Variants in TBX1 observed in about 807,000 individuals in gnomAD.
TBX1 encodes the protein T-box transcription factor 1.
Under a neutral mutation model 40.8 loss-of-function variants are expected in TBX1, and 16 were observed. That is an observed-to-expected ratio of 0.39 (90% CI 0.27 to 0.60). TBX1 has a LOEUF of 0.60. Among genes scored for constraint, TBX1 ranks in the 20% least tolerant of loss-of-function variants. The probability of loss-of-function intolerance (pLI) is 0.51; values close to 1 mark genes in which losing one functional copy is unlikely to be tolerated. For missense variants in TBX1, 755 were observed against 728.5 expected, an observed-to-expected ratio of 1.04 and a Z score of -0.42; for synonymous variants, 403 against 336.8, an observed-to-expected ratio of 1.20 and a Z score of -2.15.
upstream of TBX1, among the ~76,000 whole-genome samples, chr22:19,758,779 C>T (rs778644536): frequency 6.6e-6 from 1 of 152,176 alleles, no homozygotes; most frequent in Non-Finnish European, 1.5e-5. Flanking sequence ...CGCGCAAGTG[C>T]GCGTGACGCT....
upstream of TBX1, among the ~76,000 whole-genome samples, chr22:19,760,510 A>G (rs944219297): frequency 6.9e-6 from 1 of 145,478 alleles, no homozygotes; most frequent in African/African-American, 2.5e-5. Context: ...GGCGGGCGGC[A>G]GAGCGAGGGC....
At chr22:19,769,481 G>A (rs1936951959), downstream of TBX1, among the ~76,000 whole-genome samples, 1 of 152,228 alleles carries the variant, frequency 6.6e-6, no homozygotes, top group Non-Finnish European at 1.5e-5. Flanking sequence ...GAGCTCGCAG[G>A]CCGGCGTCTG....
In TBX1 at chr22:19,764,184, T is replaced by C; in HGVS notation, c.569T>C (p.Val190Ala). ...GCCTTCCACAGCTCCTCCTGGCTGG[T>C]GGCGGGGAAGGCCGACCCTGCCACG... ...RYAFHSSSWL[V>A]AGKADPATPG... The change falls in exon 3 of 7, where the codon GTG (valine) becomes GCG (alanine). Residue 190 changes from valine to alanine, a missense_variant. Val to Ala is a moderately conservative substitution (Grantham distance 64). Coordinates refer to ENST00000649276, the MANE Select transcript of TBX1 (RefSeq NM_001379200.1). 1 of 1,612,698 alleles carries C rather than the reference T, an allele frequency of 6.2e-7. No homozygotes were observed. The highest frequency in any genetic ancestry group is 8.5e-7 in the Non-Finnish European group (1 of 1,179,860).
upstream of TBX1, among the ~76,000 whole-genome samples, chr22:19,759,314 C>T (rs890293547): frequency 6.6e-6 from 1 of 152,220 alleles, no homozygotes; most frequent in African/African-American, 2.4e-5. Context: ...CTGGGCCCCT[C>T]GGCTGCTACC....
At chr22:19,782,852 C>A, downstream of TBX1, 1 of 1,613,784 alleles carries the variant, frequency 6.2e-7, no homozygotes, top group South Asian at 1.1e-5. Context: ...ATAAAGGCCA[C>A]AAACACTTTG....
In TBX1 at chr22:19,764,454, C is replaced by G. The variant is rs538156968; in HGVS notation, c.711+128C>G. The G allele has an allele frequency of 4.5e-5, 55 of 1,215,158 alleles. No individual in the cohort carries two copies. The East Asian group carries it at 1.0e-3, about 22-fold the overall frequency. 75.3% of individuals were successfully genotyped at this position (1,215,158 alleles called of 1,614,324 possible). A position where few individuals can be genotyped will look rare whatever the true frequency, so the allele number is the denominator to read the frequency against. On this transcript the variant is annotated intron_variant, in intron 3 of 6. Coordinates refer to ENST00000649276, the MANE Select transcript of TBX1 (RefSeq NM_001379200.1). ...TCCCCAGGCGGCTCTGGGCTGTCCCCGAGGAGGCCCTTTAGAGTCCCTGCG... is the reference window on the plus strand; with the variant it reads ...TCCCCAGGCGGCTCTGGGCTGTCCCGGAGGAGGCCCTTTAGAGTCCCTGCG...
At chr22:19,770,158 G>A (rs905792888), downstream of TBX1, among the ~76,000 whole-genome samples, 3 of 152,176 alleles carry the variant, frequency 2.0e-5, no homozygotes, top group African/African-American at 7.2e-5. Flanking sequence ...CCTGGCTGCA[G>A]ACGTCCAGCT....
intron 1 of TBX1, among the ~76,000 whole-genome samples, 178 bp downstream of exon 1, chr22:19,761,458 C>G (rs1936659491): frequency 6.6e-6 from 1 of 151,646 alleles, no homozygotes; most frequent in Non-Finnish European, 1.5e-5. Context: ...GCTCCGGCGA[C>G]AGCCGCCCGG....
At chr22:19,761,419 C>A (rs1278971469) in intron 1 of TBX1, 139 bp downstream of exon 1, 3 of 1,214,740 alleles carry the variant, frequency 2.5e-6, no homozygotes, top group Non-Finnish European at 3.1e-6. Context: ...CTCTGGGCCC[C>A]GCTGCCTCCT....
chr22:19,780,639 G>A (rs1399537925), downstream of TBX1, among the ~76,000 whole-genome samples: 1 of 152,104 alleles, frequency 6.6e-6, no homozygotes, highest in Non-Finnish European at 1.5e-5. Context: ...GCCACAAGAG[G>A]AACTGCTGGC....
chr22:19,779,699 CA>C (rs949666630), downstream of TBX1, among the ~76,000 whole-genome samples: 2 of 152,216 alleles, frequency 1.3e-5, no homozygotes, highest in Non-Finnish European at 2.9e-5. Flanking sequence ...ATATCTGATC[CA>C]AAAATGCCTT....
Position 19,766,721 on chromosome 22 carries a change from C to T in TBX1, c.1369C>T (p.Pro457Ser). 5 of 1,543,386 alleles carry T rather than the reference C, an allele frequency of 3.2e-6. No homozygotes were observed. The highest frequency in any genetic ancestry group is 4.3e-6 in the Non-Finnish European group (5 of 1,154,272). ...LPGLRGHGYH[P>S]HAHPHHHHHP... ...CGGCCTGCGTGGCCACGGCTACCAC[C>T]CGCACGCGCATCCGCACCACCACCA... is the stretch of plus-strand genomic sequence containing the variant. Residue 457 changes from proline (P) to serine (S), a missense_variant, in exon 7 of 7, where the codon CCG becomes TCG. Transcript: ENST00000649276.
In TBX1 at chr22:19,766,514, G is replaced by C. The variant is rs1036738415; in HGVS notation, c.1162G>C (p.Ala388Pro). Reference sequence around the variant, plus strand: ...CCCCTCGCTGCCCGGGGCCGGCGGCGCCGGCGGCTTAGTCCCGCTGCCCGG... The same window carrying C: ...CCCCTCGCTGCCCGGGGCCGGCGGCCCCGGCGGCTTAGTCCCGCTGCCCGG... ...LSPSLPGAGGAGGLVPLPGAP... is the reference protein window; with the variant it reads ...LSPSLPGAGGPGGLVPLPGAP... Residue 388 changes from alanine (A) to proline (P), a missense_variant, in exon 7 of 7, where the codon GCC becomes CCC. Ala to Pro is a conservative substitution (Grantham distance 27). Coordinates refer to ENST00000649276, the MANE Select transcript of TBX1 (RefSeq NM_001379200.1). 1 of 1,310,666 alleles carries C rather than the reference G, an allele frequency of 7.6e-7. No homozygotes were observed. The highest frequency in any genetic ancestry group is 2.1e-5 in the South Asian group (1 of 46,708). The allele number at this position is 1,310,666 out of a possible 1,614,324, so 81.2% of individuals were successfully genotyped here.
downstream of TBX1, chr22:19,782,784 G>A: frequency 6.5e-7 from 1 of 1,540,552 alleles, no homozygotes; most frequent in Non-Finnish European, 8.9e-7. Flanking sequence ...TGGGGCCTCA[G>A]CTGTCTGTGT....
At position 19,766,874 on chromosome 22, in the gene TBX1, C is replaced by G. The variant is rs775903697; in HGVS notation, c.*7C>G. The G allele has an allele frequency of 4.4e-6, 7 of 1,585,524 alleles. No homozygotes were observed. The East Asian group carries it at 1.6e-4, about 36-fold the overall frequency. ...CGACTATTGCCCCAGATAACACGGG[C>G]CCTGTCGCGCTCCCGCCCCGGTCCT... On this transcript the variant is annotated 3_prime_UTR_variant, in exon 7 of 7. Transcript: ENST00000649276.
downstream of TBX1, chr22:19,779,581 A>G: frequency 3.5e-6 from 5 of 1,433,252 alleles, no homozygotes; most frequent in Non-Finnish European, 4.6e-6. Context: ...CAGTTGATAA[A>G]TCAAAACTTG....
downstream of TBX1, among the ~76,000 whole-genome samples, chr22:19,771,891 C>T (rs536732884): frequency 1.6e-4 from 24 of 152,338 alleles, no homozygotes; most frequent in South Asian, 2.1e-3. Context: ...ACTGTGGCCT[C>T]GGGCAACGCT....
chr22:19,765,863 C>T, intron 5 of TBX1, 38 bp downstream of exon 5: 1 of 1,568,448 alleles, frequency 6.4e-7, no homozygotes, highest in Non-Finnish European at 8.6e-7. Flanking sequence ...CGCCGGGCGC[C>T]TGGCGCAGGC....
chr22:19,775,795 C>T (rs1160417763), intron 8 of TBX1, among the ~76,000 whole-genome samples: 4 of 152,118 alleles, frequency 2.6e-5, no homozygotes, highest in Admixed American at 6.5e-5. Flanking sequence ...GGGCCCTCTC[C>T]GCACTCCTCC....
Sources: allele counts gnomAD v4.1 joint callset (sites outside exome capture counted in the v4.1 genomes callset), GRCh38; gene constraint gnomAD v4.1.1; transcripts MANE v1.5; gene names NCBI Gene and HGNC (gene_info 2026-07-23, HGNC 2026-07-21).